Variants in A2M observed in about 807,000 individuals in gnomAD.
A2M encodes the protein C3 and PZP-like alpha-2-macroglobulin domain-containing protein 5.
In A2M, 128 loss-of-function variants were observed where a neutral mutation model predicts 183.9. The observed-to-expected ratio is 0.70, with a 90% CI of 0.60 to 0.81. The LOEUF is 0.81. A2M is among the 30% of genes least tolerant of loss of function. A2M has a pLI of 0.00. For missense variants in A2M, 1,495 were observed against 1,787.6 expected (o/e 0.84, Z 2.95); for synonymous variants, 592 against 670.8 (o/e 0.88, Z 1.81).
At chr12:9,107,860 T>TC (rs1162267696) in intron 7 of A2M, among the ~76,000 whole-genome samples, 16 of 152,188 alleles carry the variant, frequency 1.1e-4, no homozygotes, top group Non-Finnish European at 1.8e-4. Context: ...TTTTATCATT[T>TC]CTTTTTTTTC....
rs765115082 is a variant in A2M, at chr12:9,090,033, A to G, written c.2597-10T>C. 1 of 1,583,704 alleles carries G rather than the reference A, an allele frequency of 6.3e-7. No individual in the cohort carries two copies. Among genetic ancestry groups the G allele is most frequent in the Non-Finnish European group, 8.6e-7 (1 of 1,157,618 alleles). On this transcript the variant is annotated splice_polypyrimidine_tract_variant and intron_variant, in intron 20 of 35. Coordinates refer to ENST00000318602, the MANE Select transcript of A2M (RefSeq NM_000014.6). ...GTGAAATTCACATTTCCTGAAAAAA[A>G]AGGCCAGTAGAAATGAATAGCATCT... is the stretch of plus-strand genomic sequence containing the variant.
At chr12:9,109,525 C>G (rs1938565400) in intron 6 of A2M, 120 bp from the exon 7 acceptor site, 1 of 744,464 alleles carries the variant, frequency 1.3e-6, no homozygotes, top group African/African-American at 1.7e-5. Flanking sequence ...GGTAGCTCTG[C>G]TCTCCAATCT....
At chr12:9,111,304 T>A (rs1938708867) in intron 4 of A2M, among the ~76,000 whole-genome samples, 2 of 152,154 alleles carry the variant, frequency 1.3e-5, no homozygotes, top group Non-Finnish European at 2.9e-5. Context: ...GGCAGATTTT[T>A]AAAAATCAAT....
intron 9 of A2M, 33 bp downstream of exon 9, chr12:9,106,458 G>C: frequency 6.8e-7 from 1 of 1,461,224 alleles, no homozygotes; most frequent in Non-Finnish European, 9.5e-7. Flanking sequence ...AATGCCTGTT[G>C]TGTTTTCTCT....
intron 1 of A2M, among the ~76,000 whole-genome samples, chr12:9,113,952 T>G (rs913178648): frequency 6.6e-6 from 1 of 152,202 alleles, no homozygotes; most frequent in African/African-American, 2.4e-5. Context: ...GAATTTTCAT[T>G]AAAATATATA....
intron 22 of A2M, among the ~76,000 whole-genome samples, chr12:9,085,827 C>T (rs1949037357): frequency 1.3e-5 from 2 of 151,468 alleles, no homozygotes; most frequent in African/African-American, 4.9e-5. Flanking sequence ...TGGCTGATAC[C>T]ACAGAAATAC....
chr12:9,072,246 T>G, intron 31 of A2M, 113 bp downstream of exon 31: 4 of 1,278,238 alleles, frequency 3.1e-6, no homozygotes, highest in Non-Finnish European at 4.4e-6. Context: ...TACATTGCAT[T>G]TTTTGTGAAT....
chr12:9,091,437 G>A lies in A2M; in HGVS notation c.2241-8C>T. On this transcript the variant is annotated splice_polypyrimidine_tract_variant and splice_region_variant and intron_variant, in intron 18 of 35. Coordinates refer to ENST00000318602, the MANE Select transcript of A2M (RefSeq NM_000014.6). Reference sequence around the variant, plus strand: ...TCAGCCACACCTGCTGAGCTGGAGAGGAGTGTAAGTGAAGAACAGAAAGTA... The same window carrying A: ...TCAGCCACACCTGCTGAGCTGGAGAAGAGTGTAAGTGAAGAACAGAAAGTA... The A allele has an allele frequency of 6.2e-7, 1 of 1,613,880 alleles. No individual in the cohort carries two copies.
At chr12:9,080,726 A>C (rs1164122525) in intron 22 of A2M, among the ~76,000 whole-genome samples, 2 of 152,216 alleles carry the variant, frequency 1.3e-5, no homozygotes, top group Admixed American at 1.3e-4. Flanking sequence ...TATTTGATGC[A>C]TTGAAAATAA....
At chr12:9,073,488 C>A (rs1174667778) in intron 29 of A2M, among the ~76,000 whole-genome samples, 1 of 152,174 alleles carries the variant, frequency 6.6e-6, no homozygotes, top group Non-Finnish European at 1.5e-5. Flanking sequence ...AACATTAAAC[C>A]TGCTTGGCCT....
chr12:9,110,349 A>G lies in A2M; in HGVS notation c.484-15T>C. On this transcript the variant is annotated splice_polypyrimidine_tract_variant and intron_variant, in intron 4 of 35. Coordinates refer to ENST00000318602, the MANE Select transcript of A2M (RefSeq NM_000014.6). The stretch of plus-strand genomic sequence containing the variant: ...ACTAGTGGAATCTGAAAGACAAAAG[A>G]AAAAAGAAGTTTATAATTATTTTCA... The G allele has an allele frequency of 1.4e-6, 2 of 1,393,830 alleles. No homozygotes were observed. The highest frequency in any genetic ancestry group is 9.6e-7 in the Non-Finnish European group (1 of 1,042,266). 86.3% of individuals were successfully genotyped at this position (1,393,830 alleles called of 1,614,324 possible).
rs1395148068 is a variant in A2M at position 9,091,368 on chromosome 12, C to G, written c.2302G>C (p.Gly768Arg). ...VPDTITEWKA[G>R]AFCLSEDAGL... ...GCATCTTCAGACAGGCAGAAGGCCC[C>G]TGCCTTCCACTCGGTGATGGTGTCA... Residue 768 changes from glycine (G) to arginine (R), a missense_variant, in exon 19 of 36, where the codon GGG (glycine) becomes CGG (arginine). By Grantham distance (125) the Gly-to-Arg change is moderately radical (BLOSUM62 -2). Transcript: ENST00000318602. 1 of 1,614,186 alleles carries G rather than the reference C, an allele frequency of 6.2e-7. No individual in the cohort carries two copies. Among genetic ancestry groups the G allele is most frequent in the Admixed American group, 1.7e-5 (1 of 60,014 alleles).
chr12:9,072,941 A>G (rs1335415076), intron 29 of A2M, 70 bp from the exon 30 acceptor site: 29 of 1,313,012 alleles, frequency 2.2e-5, no homozygotes, highest in Non-Finnish European at 3.0e-5. Context: ...ATATTTTTCA[A>G]AGACCCATGT....
intron 22 of A2M, among the ~76,000 whole-genome samples, chr12:9,088,786 G>T (rs1398025419): frequency 6.6e-6 from 1 of 152,152 alleles, no homozygotes; most frequent in Non-Finnish European, 1.5e-5. Flanking sequence ...CTTTTCCTTT[G>T]GGAAATAGCA....
At position 9,090,050 on chromosome 12, in the gene A2M, AT is replaced by A. The variant is rs776646634; in HGVS notation, c.2597-28del. 14 of 1,579,424 alleles carry A rather than the reference AT, an allele frequency of 8.9e-6. No individual in the cohort carries two copies. The African/African-American group carries it at 1.9e-4, about 21-fold the overall frequency. Reference sequence around the variant, plus strand: ...TGAAAAAAAAGGCCAGTAGAAATGAATAGCATCTTCCCCTTCCTCCATGCCT... The same window carrying A: ...TGAAAAAAAAGGCCAGTAGAAATGAAAGCATCTTCCCCTTCCTCCATGCCT... On this transcript the variant is annotated intron_variant, in intron 20 of 35. Transcript: ENST00000318602.
chr12:9,110,435 G>T, intron 4 of A2M, 101 bp from the exon 5 acceptor site: 1 of 621,382 alleles, frequency 1.6e-6, no homozygotes, highest in Non-Finnish European at 2.6e-6. Flanking sequence ...AACAGGGTGA[G>T]TATAGTAAAA....
rs1227104673 is a variant in A2M at position 9,079,689 on chromosome 12, T to C, written c.2981A>G (p.Gln994Arg). ...IYVLDYLNET[Q>R]QLTPEIKSKA... is the part of the protein sequence containing the mutation. ...GGACTTGATCTCTGGAGTAAGCTGC[T>C]GTGTTTCATTTAGATAATCCAGTAC... The change falls in exon 24 of 36, where the codon CAG becomes CGG. Residue 994 changes from glutamine (Q) to arginine (R), a missense_variant. Physicochemically the swap from Gln to Arg is conservative, Grantham distance 43. Transcript: ENST00000318602. 6.2e-7 allele frequency: 1 copy of C among 1,613,670 alleles called. No homozygotes were observed. The highest frequency in any genetic ancestry group is 8.5e-7 in the Non-Finnish European group (1 of 1,179,798).
At position 9,090,281 on chromosome 12, in the gene A2M, A is replaced by G. The variant is rs182445309; in HGVS notation, c.2596+75T>C. 2,036 of 1,598,044 alleles carry G rather than the reference A, an allele frequency of 1.3e-3. 3 individuals carry two copies. The highest frequency in any genetic ancestry group is 1.5e-3 in the Non-Finnish European group (1,769 of 1,166,338). On this transcript the variant is annotated intron_variant, in intron 20 of 35. Transcript: ENST00000318602. ...CTAGTGGTCTTTTCCTGAAGGAAGT[A>G]GCACTCAATATAAGGTTCCCACTGC...
chr12:9,079,626 A>C lies in A2M; in HGVS notation c.3031+13T>G, dbSNP rs760617791. 1.2e-6 allele frequency: 2 copies of C among 1,607,474 alleles called. No homozygotes were observed. The highest frequency in any genetic ancestry group is 1.7e-6 in the Non-Finnish European group (2 of 1,177,032). On this transcript the variant is annotated intron_variant, in intron 24 of 35. Coordinates refer to ENST00000318602, the MANE Select transcript of A2M (RefSeq NM_000014.6). ...TAACATTCAAGTTTTCCCTTACTCA[A>C]GTAATCACTCACCAGTGTTGAGATA...
Sources: gnomAD v4.1 joint callset for allele counts (sites outside exome capture counted in the v4.1 genomes callset) on GRCh38, gnomAD v4.1.1 for gene constraint, MANE v1.5 for transcripts, NCBI Gene and HGNC (gene_info 2026-07-23, HGNC 2026-07-21) for gene names.